Variants in PACRG observed in about 807,000 individuals in gnomAD.
PACRG encodes parkin coregulated gene protein.
In PACRG, 29 loss-of-function variants were observed where a neutral mutation model predicts 29.7. The ratio of observed to expected loss-of-function variants is 0.98; its 90% confidence interval spans 0.73 to 1.33. The LOEUF (loss-of-function observed/expected upper bound fraction) is 1.33. Among genes scored for constraint, PACRG ranks in the 40% most tolerant of loss-of-function variants. The pLI is 0.00. For synonymous variants in PACRG, 116 were observed against 118.7 expected (o/e 0.98, Z 0.15); for missense variants, 279 against 316.2 (o/e 0.88, Z 0.89).
upstream of PACRG, among the ~76,000 whole-genome samples, chr6:162,727,505 T>C (rs1210202659): frequency 1.3e-5 from 2 of 148,442 alleles, no homozygotes; most frequent in East Asian, 4.4e-4. Flanking sequence ...GTCGCTGAGC[T>C]GGGGAGCCCG....
chr6:163,133,135 T>C (rs1310986186), intron 4 of PACRG, among the ~76,000 whole-genome samples: 1 of 152,186 alleles, frequency 6.6e-6, no homozygotes, highest in Non-Finnish European at 1.5e-5. Context: ...ATTTGCTCCA[T>C]GCAGTTGTAG....
intron 4 of PACRG, among the ~76,000 whole-genome samples, chr6:163,153,513 A>T (rs1289251248): frequency 1.3e-5 from 2 of 152,236 alleles, no homozygotes; most frequent in African/African-American, 2.4e-5. Context: ...GAATTTTGTC[A>T]TTGATTCCTG....
At chr6:162,857,767 T>TG (rs1312810446) in intron 2 of PACRG, among the ~76,000 whole-genome samples, 1 of 113,658 alleles carries the variant, frequency 8.8e-6, no homozygotes, top group East Asian at 2.3e-4. Context: ...CCATTTGCTC[T>TG]GTTTTTTTTT....
At chr6:162,977,405 TTA>T (rs1491448416) in intron 2 of PACRG, among the ~76,000 whole-genome samples, 5 of 99,092 alleles carry the variant, frequency 5.0e-5, no homozygotes, top group African/African-American at 2.0e-4. Flanking sequence ...AAATTTCAAA[TTA>T]AAAAAAAAAA....
intron 3 of PACRG, among the ~76,000 whole-genome samples, chr6:163,067,125 AACAGCCTTCCTGCTGTAGC>A (rs1811615544): frequency 6.6e-6 from 1 of 152,186 alleles, no homozygotes; most frequent in South Asian, 2.1e-4. Flanking sequence ...AACCCAAGTG[AACAGCCTTCCTGCTGTAGC>A]ACCGCTTCCC....
At chr6:163,017,320 A>G (rs922573590) in intron 2 of PACRG, among the ~76,000 whole-genome samples, 1 of 152,190 alleles carries the variant, frequency 6.6e-6, no homozygotes, top group Non-Finnish European at 1.5e-5. Context: ...GATTTTTACT[A>G]CACTTACATT....
At chr6:163,071,125 T>C (rs922554482) in intron 3 of PACRG, among the ~76,000 whole-genome samples, 9 of 152,080 alleles carry the variant, frequency 5.9e-5, no homozygotes, top group African/African-American at 1.7e-4. Context: ...ACTTTCTGCA[T>C]TGGACAGATC....
intron 1 of PACRG, among the ~76,000 whole-genome samples, chr6:162,737,278 G>A (rs1421649676): frequency 6.6e-6 from 1 of 152,100 alleles, no homozygotes; most frequent in Non-Finnish European, 1.5e-5. Flanking sequence ...TACAAATGAG[G>A]GGGTTGCAAA....
At chr6:162,793,989 A>T (rs1445818360) in intron 1 of PACRG, among the ~76,000 whole-genome samples, 1 of 152,172 alleles carries the variant, frequency 6.6e-6, no homozygotes, top group Admixed American at 6.5e-5. Flanking sequence ...CTTGAACTTA[A>T]AATAAAAGTT....
intron 2 of PACRG, among the ~76,000 whole-genome samples, chr6:163,052,185 T>C (rs528170): frequency 0.59 from 89,168 of 151,938 alleles, 28,499 homozygotes; most frequent in East Asian, 0.96. Flanking sequence ...AGACCTCTTG[T>C]AATAACTCAA....
At chr6:163,166,896 G>A (rs573784178) in intron 4 of PACRG, among the ~76,000 whole-genome samples, 12 of 152,138 alleles carry the variant, frequency 7.9e-5, no homozygotes, top group Non-Finnish European at 1.0e-4. Flanking sequence ...CTAGTCCACC[G>A]TAATGTCCTT....
At chr6:163,082,962 A>T (rs915311274) in intron 3 of PACRG, among the ~76,000 whole-genome samples, 1 of 152,200 alleles carries the variant, frequency 6.6e-6, no homozygotes, top group Non-Finnish European at 1.5e-5. Context: ...TAGCTGTTTT[A>T]TGCATTTTTA....
Position 162,957,084 on chromosome 6 carries a change from T to C in PACRG, c.292-105066T>C, listed in dbSNP as rs1800106181. ...AACATAAGAACTAGTGATTTAGAGG[T>C]AGGCAGTAGAGTGAGACAGACTTGA... On this transcript the variant is annotated intron_variant, in intron 2 of 4. Coordinates refer to ENST00000366888, the MANE Select transcript of PACRG (RefSeq NM_001080379.2). 2.0e-5 allele frequency among the ~76,000 whole-genome samples: 3 copies of C among 150,322 alleles called. No homozygotes were observed. The South Asian group carries it at 6.3e-4, about 32-fold the overall frequency.
At chr6:162,875,259 GCACA>G (rs145417049) in intron 2 of PACRG, among the ~76,000 whole-genome samples, 4 of 138,472 alleles carry the variant, frequency 2.9e-5, no homozygotes, top group Non-Finnish European at 6.3e-5. Flanking sequence ...ACACAGACAT[GCACA>G]CACAGTCATC....
chr6:163,304,477 T>TC (rs1562369321), intron 4 of PACRG, among the ~76,000 whole-genome samples: 1 of 152,056 alleles, frequency 6.6e-6, no homozygotes, highest in African/African-American at 2.4e-5. Context: ...CATGATCCTT[T>TC]CCCCCCACGA....
chr6:162,970,007 G>A (rs767856153), intron 2 of PACRG, among the ~76,000 whole-genome samples: 9 of 152,170 alleles, frequency 5.9e-5, no homozygotes, highest in Non-Finnish European at 8.8e-5. Flanking sequence ...CTGATAGGCC[G>A]GGTGCAGTAG....
chr6:163,120,723 C>T (rs182946258), intron 4 of PACRG, among the ~76,000 whole-genome samples: 1 of 152,204 alleles, frequency 6.6e-6, no homozygotes, highest in Admixed American at 6.5e-5. Flanking sequence ...GTATAATACT[C>T]ATTTTAGCCA....
At chr6:163,266,429 T>C (rs1293278788) in intron 4 of PACRG, among the ~76,000 whole-genome samples, 1 of 152,168 alleles carries the variant, frequency 6.6e-6, no homozygotes, top group Non-Finnish European at 1.5e-5. Context: ...GATTAAATTA[T>C]TGGTTTTCTG....
intron 2 of PACRG, among the ~76,000 whole-genome samples, chr6:162,996,922 A>G (rs1475542944): frequency 6.6e-6 from 1 of 152,198 alleles, no homozygotes; most frequent in Non-Finnish European, 1.5e-5. Context: ...CTATAGTGGC[A>G]TAAGTCATGG....
Sources: allele counts gnomAD v4.1 joint callset (sites outside exome capture counted in the v4.1 genomes callset), GRCh38; gene constraint gnomAD v4.1.1; transcripts MANE v1.5; gene names NCBI Gene and HGNC (gene_info 2026-07-23, HGNC 2026-07-21).